PACRG: variants seen among roughly 807,000 people sequenced by gnomAD.
PACRG encodes parkin coregulated.
Under a neutral mutation model 29.7 loss-of-function variants are expected in PACRG, and 29 were observed. The observed-to-expected ratio is 0.98, with a 90% CI of 0.73 to 1.33. The LOEUF is 1.33. PACRG is among the 40% of genes most tolerant of loss of function. The probability of loss-of-function intolerance (pLI) is 0.00; values close to 1 mark genes in which losing one functional copy is unlikely to be tolerated. For synonymous variants in PACRG, 116 were observed against 118.7 expected, an observed-to-expected ratio of 0.98 and a Z score of 0.15; for missense variants, 279 against 316.2, an observed-to-expected ratio of 0.88 and a Z score of 0.89.
chr6:163,101,508 C>T (rs1175920770), intron 4 of PACRG: 1 of 741,876 alleles, frequency 1.3e-6, no homozygotes, highest in Non-Finnish European at 1.6e-6. Context: ...CATATTTTGT[C>T]CTTCCAAAGT....
chr6:163,204,329 T>C (rs575343730), intron 4 of PACRG, among the ~76,000 whole-genome samples: 28 of 152,244 alleles, frequency 1.8e-4, no homozygotes, highest in Admixed American at 1.8e-3. Flanking sequence ...TAAATTTGAA[T>C]CCACCTTTAT....
At chr6:163,250,678 G>A (rs1039806798) in intron 4 of PACRG, among the ~76,000 whole-genome samples, 1 of 152,004 alleles carries the variant, frequency 6.6e-6, no homozygotes, top group Admixed American at 6.5e-5. Context: ...TACCCAGAGG[G>A]AAAAAAGTCA....
chr6:162,880,886 C>T (rs1309105110), intron 2 of PACRG, among the ~76,000 whole-genome samples: 2 of 152,214 alleles, frequency 1.3e-5, no homozygotes, highest in Non-Finnish European at 2.9e-5. Context: ...TGTAGCAAAG[C>T]ATGCGCCAGG....
At chr6:162,756,676 T>A (rs1235406702) in intron 1 of PACRG, among the ~76,000 whole-genome samples, 1 of 152,164 alleles carries the variant, frequency 6.6e-6, no homozygotes, top group Non-Finnish European at 1.5e-5. Context: ...GGCTTGCTAT[T>A]GCCATTTTGT....
At chr6:162,804,444 CA>C (rs1403970315) in intron 1 of PACRG, among the ~76,000 whole-genome samples, 3 of 152,130 alleles carry the variant, frequency 2.0e-5, no homozygotes, top group Non-Finnish European at 4.4e-5. Flanking sequence ...TGTGTGCTGA[CA>C]TGGTGATTTC....
At position 162,870,672 on chromosome 6, in the gene PACRG, A is replaced by C. The variant is rs1025174039; in HGVS notation, c.291+56391A>C. Among the ~76,000 whole-genome samples the C allele has an allele frequency of 1.3e-4, 20 of 152,342 alleles. No individual in the cohort carries two copies. In the South Asian group the frequency reaches 1.4e-3, roughly 11 times the overall value. On this transcript the variant is annotated intron_variant, in intron 2 of 4. Transcript: ENST00000366888. ...CTCCCACTTATGAATGAGAACATAT[A>C]CATTTCTTCTAAATGTGCTCTGGTT...
chr6:162,830,169 A>G (rs1046818499), intron 2 of PACRG, among the ~76,000 whole-genome samples: 1 of 152,136 alleles, frequency 6.6e-6, no homozygotes, highest in Non-Finnish European at 1.5e-5. Flanking sequence ...CCTCAAGTGT[A>G]CTAACTTGAG....
intron 4 of PACRG, among the ~76,000 whole-genome samples, chr6:163,259,620 C>G (rs537711649): frequency 1.3e-5 from 2 of 152,290 alleles, no homozygotes; most frequent in East Asian, 3.9e-4. Context: ...AGACCCACAG[C>G]CTCAGCCTCA....
At chr6:163,078,435 G>A (rs1051169422) in intron 3 of PACRG, among the ~76,000 whole-genome samples, 2 of 151,808 alleles carry the variant, frequency 1.3e-5, no homozygotes, top group Non-Finnish European at 2.9e-5. Context: ...CCCGGGAGAC[G>A]GAGGTTGCAG....
At chr6:163,031,100 C>T (rs1256699906) in intron 2 of PACRG, among the ~76,000 whole-genome samples, 1 of 152,104 alleles carries the variant, frequency 6.6e-6, no homozygotes, top group African/African-American at 2.4e-5. Context: ...TGGCAAGGGC[C>T]ATTCATGACT....
intron 2 of PACRG, among the ~76,000 whole-genome samples, chr6:162,926,334 C>T (rs1797439783): frequency 6.6e-6 from 1 of 151,436 alleles, no homozygotes; most frequent in South Asian, 2.1e-4. Context: ...AACAAGAGCC[C>T]ATATATCCAA....
chr6:162,958,876 TATATATATAGAGAGAGAGAG>T (rs1337990574), intron 2 of PACRG, among the ~76,000 whole-genome samples: 108 of 30,000 alleles, frequency 3.6e-3, no homozygotes, highest in African/African-American at 1.0e-2. Flanking sequence ...TATATATATA[TATATATATAGAGAGAGAGAG>T]AGAGAGAGAG....
chr6:163,168,746 C>G (rs1188394396), intron 4 of PACRG, among the ~76,000 whole-genome samples: 1 of 151,842 alleles, frequency 6.6e-6, no homozygotes, highest in Non-Finnish European at 1.5e-5. Context: ...TTCCTGTGAA[C>G]CATATTCTCC....
intron 4 of PACRG, among the ~76,000 whole-genome samples, chr6:163,214,706 G>T (rs1781293800): frequency 6.6e-6 from 1 of 151,446 alleles, no homozygotes; most frequent in Admixed American, 6.6e-5. Flanking sequence ...TAATCTTTTG[G>T]GTAATTCTCT....
At chr6:163,068,960 C>A (rs1038398029) in intron 3 of PACRG, among the ~76,000 whole-genome samples, 1 of 152,024 alleles carries the variant, frequency 6.6e-6, no homozygotes, top group South Asian at 2.1e-4. Context: ...TAAATTTTCC[C>A]TTTGCTACCA....
intron 4 of PACRG, among the ~76,000 whole-genome samples, chr6:163,202,721 C>G (rs1456797287): frequency 6.6e-6 from 1 of 152,110 alleles, no homozygotes; most frequent in Admixed American, 6.5e-5. Flanking sequence ...TTTATCTAAG[C>G]AATCCATACC....
At chr6:163,103,570 G>A (rs188725303) in intron 4 of PACRG, among the ~76,000 whole-genome samples, 1 of 152,170 alleles carries the variant, frequency 6.6e-6, no homozygotes, top group East Asian at 1.9e-4. Context: ...CTTGTTTTAA[G>A]GTCAGCAGAT....
At chr6:162,783,969 A>C (rs188314972) in intron 1 of PACRG, among the ~76,000 whole-genome samples, 55 of 152,228 alleles carry the variant, frequency 3.6e-4, no homozygotes, top group African/African-American at 1.3e-3. Context: ...TGCCATTTTT[A>C]ATACATTTTA....
chr6:162,909,912 T>C (rs1054576626), intron 2 of PACRG, among the ~76,000 whole-genome samples: 2 of 152,198 alleles, frequency 1.3e-5, no homozygotes, highest in Non-Finnish European at 2.9e-5. Context: ...GGTTTTACAC[T>C]AGAATAATTT....
Sources: gnomAD v4.1 joint callset for allele counts (sites outside exome capture counted in the v4.1 genomes callset) on GRCh38, gnomAD v4.1.1 for gene constraint, MANE v1.5 for transcripts, NCBI Gene and HGNC (gene_info 2026-07-23, HGNC 2026-07-21) for gene names.